Variants in CPNE8 observed in about 807,000 individuals in gnomAD.
CPNE8 encodes the protein copine 8, also known as copine-8.
CPNE8 carries 45 observed loss-of-function variants against 81.5 expected under a neutral mutation model. The ratio of observed to expected loss-of-function variants is 0.55; its 90% confidence interval spans 0.44 to 0.71. The LOEUF is 0.71. Ranked by LOEUF, CPNE8 falls within the 30% of genes least tolerant of loss-of-function variation. The pLI is 0.00. For synonymous variants in CPNE8, 252 were observed against 226.3 expected (o/e 1.11, Z -1.02); for missense variants, 594 against 672.1 (o/e 0.88, Z 1.28).
chr12:38,673,287 C>G (rs1426778981), intron 18 of CPNE8, among the ~76,000 whole-genome samples: 1 of 152,106 alleles, frequency 6.6e-6, no homozygotes, highest in Non-Finnish European at 1.5e-5. Flanking sequence ...ATAAATTACC[C>G]AGTCTCATTT....
intron 6 of CPNE8, among the ~76,000 whole-genome samples, chr12:38,812,889 C>T (rs762842110): frequency 2.0e-5 from 3 of 152,142 alleles, no homozygotes; most frequent in Non-Finnish European, 4.4e-5. Flanking sequence ...GCCTCCAAAA[C>T]TGTGAAAGAT....
intron 6 of CPNE8, among the ~76,000 whole-genome samples, chr12:38,814,296 G>T (rs1840248741): frequency 6.8e-6 from 1 of 147,276 alleles, no homozygotes; most frequent in South Asian, 2.2e-4. Context: ...AAAGTTTAAG[G>T]AGCCAGACCT....
chr12:38,794,641 A>T (rs1942410808), intron 6 of CPNE8, among the ~76,000 whole-genome samples: 1 of 148,376 alleles, frequency 6.7e-6, no homozygotes, highest in Non-Finnish European at 1.5e-5. Context: ...ATTTAAAAAA[A>T]AACTACTATA....
intron 1 of CPNE8, among the ~76,000 whole-genome samples, chr12:38,883,561 C>T (rs1407144823): frequency 6.6e-6 from 1 of 152,110 alleles, no homozygotes; most frequent in Non-Finnish European, 1.5e-5. Context: ...CAATAATTCT[C>T]CTGGGTATCA....
rs1414963326 is a variant in CPNE8, at chr12:38,653,527, C to T, written c.*355G>A. 3.3e-5 allele frequency: 6 copies of T among 181,034 alleles called. No individual in the cohort carries two copies. Among genetic ancestry groups the T allele is most frequent in the African/African-American group, 1.2e-4 (5 of 42,314 alleles). 11.2% of individuals were successfully genotyped at this position (181,034 alleles called of 1,614,324 possible). On this transcript the variant is annotated 3_prime_UTR_variant, in exon 20 of 20. Transcript: ENST00000331366. ...AAACATTGATACAGAGACTGCTTTC[C>T]TATACACATAGCAGTCGAAGACAAT...
intron 1 of CPNE8, among the ~76,000 whole-genome samples, chr12:38,900,199 T>C (rs146078303): frequency 7.3e-4 from 111 of 151,322 alleles, no homozygotes; most frequent in African/African-American, 2.5e-3. Context: ...CTAACTCAGA[T>C]CAAGGGACTA....
chr12:38,750,444 G>A (rs1244663753), intron 10 of CPNE8, among the ~76,000 whole-genome samples: 4 of 152,162 alleles, frequency 2.6e-5, no homozygotes, highest in South Asian at 2.1e-4. Flanking sequence ...ATGCCAGCCC[G>A]TGAAAGCAGT....
At chr12:38,805,805 T>C (rs1261063654) in intron 6 of CPNE8, among the ~76,000 whole-genome samples, 3 of 148,832 alleles carry the variant, frequency 2.0e-5, no homozygotes, top group Admixed American at 6.7e-5. Context: ...CAAAAATCAA[T>C]GAATCCAGGA....
At position 38,891,084 on chromosome 12, in the gene CPNE8, C is replaced by G. The variant is rs1165848074; in HGVS notation, c.98+14353G>C. Reference sequence around the variant, plus strand: ...AGCTGGGATTATGGGCACCCACCACCATACCTGACAAATTTTTGTATTTTT... The same window carrying G: ...AGCTGGGATTATGGGCACCCACCACGATACCTGACAAATTTTTGTATTTTT... On this transcript the variant is annotated intron_variant, in intron 1 of 19. Coordinates refer to ENST00000331366, the MANE Select transcript of CPNE8 (RefSeq NM_153634.3). Among the ~76,000 whole-genome samples the G allele has an allele frequency of 3.3e-5, 5 of 151,896 alleles. 1 individual carries two copies. Among genetic ancestry groups the G allele is most frequent in the African/African-American group, 1.2e-4 (5 of 41,340 alleles).
At chr12:38,706,281 A>C (rs577937178) in intron 13 of CPNE8, among the ~76,000 whole-genome samples, 3 of 152,264 alleles carry the variant, frequency 2.0e-5, no homozygotes, top group African/African-American at 7.2e-5. Context: ...TAATATAAAG[A>C]GATTAATCCT....
intron 6 of CPNE8, among the ~76,000 whole-genome samples, chr12:38,819,217 G>A (rs372851538): frequency 7.2e-5 from 11 of 152,148 alleles, no homozygotes; most frequent in African/African-American, 2.4e-4. Flanking sequence ...CCATGCCTAT[G>A]TCCTGAATCG....
chr12:38,790,988 C>A (rs767844433), intron 6 of CPNE8, among the ~76,000 whole-genome samples: 7 of 151,700 alleles, frequency 4.6e-5, no homozygotes, highest in Non-Finnish European at 1.0e-4. Context: ...AAGTTTTCTT[C>A]TTTCACAGCA....
chr12:38,775,999 G>A (rs1941925839), intron 7 of CPNE8, among the ~76,000 whole-genome samples: 1 of 152,064 alleles, frequency 6.6e-6, no homozygotes. Flanking sequence ...GATATTAGGT[G>A]TTATTTTAAT....
chr12:38,741,032 G>A (rs929825440), intron 10 of CPNE8, among the ~76,000 whole-genome samples: 1 of 152,100 alleles, frequency 6.6e-6, no homozygotes, highest in Non-Finnish European at 1.5e-5. Flanking sequence ...AAGTAAAAGA[G>A]GACACAAACA....
intron 1 of CPNE8, among the ~76,000 whole-genome samples, chr12:38,893,343 G>A (rs542545922): frequency 6.6e-6 from 1 of 152,232 alleles, no homozygotes; most frequent in East Asian, 1.9e-4. Context: ...CTGCTATAAT[G>A]AAGCTAACCA....
chr12:38,778,507 C>A (rs1301409672), intron 6 of CPNE8, among the ~76,000 whole-genome samples: 1 of 152,170 alleles, frequency 6.6e-6, no homozygotes, highest in Non-Finnish European at 1.5e-5. Flanking sequence ...CACTCCCATG[C>A]CTTGATAAAC....
intron 6 of CPNE8, among the ~76,000 whole-genome samples, chr12:38,807,497 G>A (rs200953930): frequency 4.0e-5 from 6 of 150,554 alleles, no homozygotes; most frequent in Non-Finnish European, 7.4e-5. Flanking sequence ...AACAAGCAAT[G>A]GGGAAAGGAT....
At chr12:38,783,389 T>C (rs1282394331) in intron 6 of CPNE8, among the ~76,000 whole-genome samples, 1 of 152,082 alleles carries the variant, frequency 6.6e-6, no homozygotes, top group Non-Finnish European at 1.5e-5. Flanking sequence ...AGAAAATCAG[T>C]CTTGAATCAC....
intron 19 of CPNE8, among the ~76,000 whole-genome samples, chr12:38,665,778 T>C (rs1018964431): frequency 3.9e-5 from 6 of 152,184 alleles, no homozygotes; most frequent in Admixed American, 6.5e-5. Flanking sequence ...TTTACGTATA[T>C]TGACTTATGA....
Sources: allele counts gnomAD v4.1 joint callset (sites outside exome capture counted in the v4.1 genomes callset), GRCh38; gene constraint gnomAD v4.1.1; transcripts MANE v1.5; gene names NCBI Gene and HGNC (gene_info 2026-07-23, HGNC 2026-07-21).